ZFHX3: variants seen among roughly 807,000 people sequenced by gnomAD.
ZFHX3 encodes zinc finger homeobox protein 3.
A neutral mutation model predicts 279.1 loss-of-function variants in ZFHX3; 42 were observed. The ratio of observed to expected loss-of-function variants is 0.15; its 90% CI spans 0.12 to 0.19. The LOEUF (loss-of-function observed/expected upper bound fraction) is 0.19, where lower values mean the gene tolerates loss of function less well. ZFHX3 is among the 10% of genes least tolerant of loss of function. The probability of loss-of-function intolerance (pLI) is 1.00; values close to 1 mark genes in which losing one functional copy is unlikely to be tolerated. For synonymous variants in ZFHX3, 2,293 were observed against 1,957.8 expected (o/e 1.17, Z -4.52); for missense variants, 4,981 against 4,754.0 (o/e 1.05, Z -1.40).
chr16:72,844,994 A>C (rs2037441869), intron 4 of ZFHX3, among the ~76,000 whole-genome samples: 1 of 152,156 alleles, frequency 6.6e-6, no homozygotes, highest in South Asian at 2.1e-4. Context: ...AAGGTGAACA[A>C]ACAAAGGGAA....
intron 2 of ZFHX3, among the ~76,000 whole-genome samples, chr16:73,489,093 T>C (rs938422779): frequency 6.6e-6 from 1 of 152,206 alleles, no homozygotes; most frequent in Non-Finnish European, 1.5e-5. Context: ...ATTTGGATTA[T>C]CAAGAAAAAT....
At chr16:73,832,269 C>T (rs1248834860) in intron 1 of ZFHX3, among the ~76,000 whole-genome samples, 1 of 151,966 alleles carries the variant, frequency 6.6e-6, no homozygotes, top group Non-Finnish European at 1.5e-5. Context: ...AGCAATCCAC[C>T]AGGGCTCTGC....
chr16:73,084,880 A>G (rs1965992467), intron 8 of ZFHX3, among the ~76,000 whole-genome samples: 1 of 152,224 alleles, frequency 6.6e-6, no homozygotes, highest in East Asian at 1.9e-4. Context: ...ACTATAAAGC[A>G]CTGATGAAGG....
intron 2 of ZFHX3, among the ~76,000 whole-genome samples, chr16:73,532,138 T>C (rs904251122): frequency 3.3e-5 from 5 of 151,946 alleles, no homozygotes; most frequent in Non-Finnish European, 7.4e-5. Flanking sequence ...ATCTTAGTAG[T>C]TGATACGGTT....
chr16:73,337,334 C>T (rs917748905), intron 3 of ZFHX3, among the ~76,000 whole-genome samples: 4 of 152,110 alleles, frequency 2.6e-5, no homozygotes, highest in African/African-American at 7.2e-5. Flanking sequence ...ACTGTTTTGC[C>T]CCAGTATTCT....
At chr16:73,102,902 C>T (rs1703930120) in intron 7 of ZFHX3, among the ~76,000 whole-genome samples, 1 of 152,110 alleles carries the variant, frequency 6.6e-6, no homozygotes, top group African/African-American at 2.4e-5. Context: ...CCATTGGGTA[C>T]TGGTGTTCCT....
chr16:73,462,208 C>T (rs1025877115), intron 2 of ZFHX3, among the ~76,000 whole-genome samples: 10 of 152,024 alleles, frequency 6.6e-5, no homozygotes, highest in African/African-American at 2.4e-4. Flanking sequence ...TTATCTTATG[C>T]CCTGTGACTT....
At chr16:73,083,028 A>AAT (rs1170323450) in intron 8 of ZFHX3, among the ~76,000 whole-genome samples, 54 of 16,916 alleles carry the variant, frequency 3.2e-3, no homozygotes, top group Admixed American at 8.0e-3. Context: ...TACTAAAAAA[A>AAT]AAAAAAAAAA....
At chr16:73,642,872 C>T (rs1158653000) in intron 2 of ZFHX3, among the ~76,000 whole-genome samples, 2 of 152,172 alleles carry the variant, frequency 1.3e-5, no homozygotes, top group Non-Finnish European at 2.9e-5. Flanking sequence ...CCAAAATGAA[C>T]GTAGCTTGGA....
At chr16:73,483,218 A>G (rs2018903135) in intron 2 of ZFHX3, 2 of 358,174 alleles carry the variant, frequency 5.6e-6, no homozygotes, top group South Asian at 4.2e-5. Context: ...CCCTGCTCCA[A>G]GTGCCAGCGC....
At chr16:73,344,953 G>C (rs2016097515) in intron 3 of ZFHX3, among the ~76,000 whole-genome samples, 1 of 152,132 alleles carries the variant, frequency 6.6e-6, no homozygotes, top group Admixed American at 6.5e-5. Context: ...TGTGAATCTG[G>C]GGAGCTGCAG....
chr16:73,556,230 G>C (rs2143779282), intron 2 of ZFHX3, among the ~76,000 whole-genome samples: 1 of 152,244 alleles, frequency 6.6e-6, no homozygotes, highest in African/African-American at 2.4e-5. Flanking sequence ...CCTAAAATGA[G>C]GCACACCGAG....
At position 72,783,205 on chromosome 16, in the gene ZFHX3, T is replaced by C. The variant is rs2035200173; in HGVS notation, c.*3959A>G. ...GTTGTTTTTTGTTTTTTTTTCTTTTTGTACATTGCAAAGGCTGTTCATATA... is the reference window on the plus strand; with the variant it reads ...GTTGTTTTTTGTTTTTTTTTCTTTTCGTACATTGCAAAGGCTGTTCATATA... On this transcript the variant is annotated 3_prime_UTR_variant, in exon 10 of 10. Transcript: ENST00000268489. 2 of 152,598 alleles carry C rather than the reference T, an allele frequency of 1.3e-5. No homozygotes were observed. Among genetic ancestry groups the C allele is most frequent in the South Asian group, 2.1e-4 (1 of 4,820 alleles). 9.5% of individuals were successfully genotyped at this position (152,598 alleles called of 1,614,324 possible). A position where few individuals can be genotyped will look rare whatever the true frequency, so the allele number is the denominator to read the frequency against.
Position 72,793,265 on chromosome 16 carries a change from T to C in ZFHX3, c.9417A>G (p.Pro3139=), listed in dbSNP as rs753917584. Residue 3139 remains proline (P), a synonymous_variant, in exon 9 of 10, where the codon CCA becomes CCG. Coordinates refer to ENST00000268489, the MANE Select transcript of ZFHX3 (RefSeq NM_006885.4). This position sits in a 1 kb window ranked among gnomAD's most constrained non-coding sequence, Gnocchi z 4.3. ...TAGAGCAGAACCCACCTGTGTTGGATGGAGTAAAGCCTGGCAAGGAGGGGC... is the reference window on the plus strand; with the variant it reads ...TAGAGCAGAACCCACCTGTGTTGGACGGAGTAAAGCCTGGCAAGGAGGGGC... ...LNSPSLPGFT[P]SNTALTSPKP... The C allele has an allele frequency of 1.2e-6, 2 of 1,612,488 alleles. No individual in the cohort carries two copies. The highest frequency in any genetic ancestry group is 1.7e-6 in the Non-Finnish European group (2 of 1,179,040).
chr16:73,444,619 C>T (rs1241657730), intron 3 of ZFHX3, among the ~76,000 whole-genome samples: 6 of 152,198 alleles, frequency 3.9e-5, no homozygotes, highest in Non-Finnish European at 7.3e-5. Context: ...AAGGACATTA[C>T]TTGAAAGTTG....
At chr16:72,964,058 C>T (rs1201337410) in intron 1 of ZFHX3, among the ~76,000 whole-genome samples, 2 of 152,172 alleles carry the variant, frequency 1.3e-5, no homozygotes, top group Non-Finnish European at 2.9e-5. Flanking sequence ...AGCCAGCAGG[C>T]AAGGATGCCT....
chr16:73,674,985 A>G (rs530927244), intron 2 of ZFHX3, among the ~76,000 whole-genome samples: 7 of 152,204 alleles, frequency 4.6e-5, no homozygotes, highest in Non-Finnish European at 8.8e-5. Context: ...AAGCTGCTAC[A>G]TTTGGTGGTT....
intron 3 of ZFHX3, among the ~76,000 whole-genome samples, chr16:73,445,123 AGACT>A (rs2018160179): frequency 6.6e-6 from 1 of 152,008 alleles, no homozygotes; most frequent in Admixed American, 6.6e-5. Flanking sequence ...TGACAGAACG[AGACT>A]GTCTGAAAAA....
chr16:73,433,384 A>G (rs147851872), intron 3 of ZFHX3, among the ~76,000 whole-genome samples: 2 of 152,232 alleles, frequency 1.3e-5, no homozygotes, highest in East Asian at 3.9e-4. Flanking sequence ...TTTGAATATC[A>G]TTTGCATCTT....
Sources: allele counts gnomAD v4.1 joint callset (sites outside exome capture counted in the v4.1 genomes callset), GRCh38; gene constraint gnomAD v4.1.1; non-coding constraint Gnocchi (gnomAD v3.1); transcripts MANE v1.5; gene names NCBI Gene and HGNC (gene_info 2026-07-23, HGNC 2026-07-21).